Variants in CDH13 observed in about 807,000 individuals in gnomAD.
CDH13 encodes the protein cadherin 13, also known as cadherin-13.
CDH13 carries 24 observed loss-of-function variants against 63.8 expected under a neutral mutation model. That is an observed-to-expected ratio of 0.38 (90% CI 0.27 to 0.53). The LOEUF (loss-of-function observed/expected upper bound fraction) is 0.53, where lower values mean the gene tolerates loss of function less well. Ranked by LOEUF, CDH13 falls within the 20% of genes least tolerant of loss-of-function variation. The pLI is 0.85. For missense variants in CDH13, 1,049 were observed against 903.1 expected, an observed-to-expected ratio of 1.16 and a Z score of -2.07; for synonymous variants, 503 against 355.3, an observed-to-expected ratio of 1.42 and a Z score of -4.67.
intron 10 of CDH13, among the ~76,000 whole-genome samples, chr16:83,728,245 G>T (rs1344518769): frequency 2.0e-5 from 3 of 152,010 alleles, no homozygotes; most frequent in Admixed American, 6.6e-5. Flanking sequence ...GAAGGTGCCT[G>T]TTCTCACGGG....
chr16:82,686,597 C>T (rs1439336822), intron 1 of CDH13, among the ~76,000 whole-genome samples: 1 of 152,206 alleles, frequency 6.6e-6, no homozygotes, highest in African/African-American at 2.4e-5. Context: ...TCACTCTGGC[C>T]TTCGGTTTTT....
rs146001795 is a variant in CDH13 at position 83,375,937 on chromosome 16, A to G, written c.781+30931A>G. On this transcript the variant is annotated intron_variant, in intron 6 of 13. Transcript: ENST00000567109. ...GAGAGGCAGACGTCATGCAGAGTGT[A>G]TGCATTAGGACTATTAGGGTGAGTT... Among the ~76,000 whole-genome samples, 16 of 152,252 alleles carry G rather than the reference A, an allele frequency of 1.1e-4. No homozygotes were observed. The Middle Eastern group carries it at 0.017, about 162-fold the overall frequency.
intron 6 of CDH13, among the ~76,000 whole-genome samples, chr16:83,435,822 G>T (rs536628271): frequency 4.6e-5 from 7 of 152,248 alleles, no homozygotes; most frequent in East Asian, 1.9e-4. Context: ...TCTCTGGTTG[G>T]CTGTCTGTCT....
intron 5 of CDH13, among the ~76,000 whole-genome samples, chr16:83,258,794 G>A (rs941448153): frequency 3.3e-5 from 5 of 152,190 alleles, no homozygotes; most frequent in Non-Finnish European, 7.3e-5. Context: ...ATGGCACAGA[G>A]CACATCGTGA....
At chr16:83,602,141 AAACC>A (rs1907902190) in intron 7 of CDH13, among the ~76,000 whole-genome samples, 1 of 86,328 alleles carries the variant, frequency 1.2e-5, no homozygotes, top group African/African-American at 9.1e-5. Flanking sequence ...AAAAAAAAAA[AAACC>A]CAAAGGACAA....
At position 83,164,050 on chromosome 16, in the gene CDH13, C is replaced by T. The variant is rs546332300; in HGVS notation, c.483+38549C>T. 2.0e-5 allele frequency among the ~76,000 whole-genome samples: 3 copies of T among 152,130 alleles called. 1 individual carries two copies. The South Asian group carries it at 6.2e-4, about 32-fold the overall frequency. The stretch of plus-strand genomic sequence containing the variant: ...ACTATAAAAAAGACATAGTTGTTAT[C>T]TGTGTCTTACCCAGCTGGTAACTGA... On this transcript the variant is annotated intron_variant, in intron 4 of 13. Transcript: ENST00000567109.
chr16:82,631,970 G>C lies in CDH13; in HGVS notation c.45+4833G>C, dbSNP rs112738635. On this transcript the variant is annotated intron_variant, in intron 1 of 13. Coordinates refer to ENST00000567109, the MANE Select transcript of CDH13 (RefSeq NM_001257.5). ...AGAGGTTGCCAAGTAGCAGCCACAG[G>C]CTAAATTTAGCCATGGATGCAGTTT... Among the ~76,000 whole-genome samples, 1,496 of 152,188 alleles carry C rather than the reference G, an allele frequency of 9.8e-3. 21 individuals carry two copies. Among genetic ancestry groups the C allele is most frequent in the African/African-American group, 0.035 (1,439 of 41,526 alleles).
At chr16:82,771,015 C>T (rs2035241838) in intron 1 of CDH13, among the ~76,000 whole-genome samples, 1 of 152,100 alleles carries the variant, frequency 6.6e-6, no homozygotes, top group Non-Finnish European at 1.5e-5. Context: ...ACACCTGGCC[C>T]AATAGTTCCA....
At chr16:83,292,086 C>T (rs779049906) in intron 5 of CDH13, among the ~76,000 whole-genome samples, 1 of 152,154 alleles carries the variant, frequency 6.6e-6, no homozygotes, top group Non-Finnish European at 1.5e-5. Context: ...TCAGAAAGCA[C>T]TAATTTAAGA....
intron 1 of CDH13, among the ~76,000 whole-genome samples, chr16:82,717,273 A>G (rs1334648670): frequency 6.6e-6 from 1 of 151,978 alleles, no homozygotes; most frequent in Non-Finnish European, 1.5e-5. Context: ...CATCTCTACT[A>G]AAAATACAAA....
chr16:83,418,577 G>T lies in CDH13; in HGVS notation c.782-67900G>T, dbSNP rs528805373. Among the ~76,000 whole-genome samples the T allele has an allele frequency of 9.9e-5, 15 of 152,236 alleles. No homozygotes were observed. In the South Asian group the frequency reaches 3.1e-3, roughly 32 times the overall value. On this transcript the variant is annotated intron_variant, in intron 6 of 13. Coordinates refer to ENST00000567109, the MANE Select transcript of CDH13 (RefSeq NM_001257.5). ...AAGTTAGGGTTTGATCCGATGTCTT[G>T]GACATTTGCTTGGATCTGTACAAAC...
intron 6 of CDH13, among the ~76,000 whole-genome samples, chr16:83,356,013 G>C (rs188672181): frequency 1.1e-4 from 16 of 152,298 alleles, no homozygotes; most frequent in African/African-American, 3.8e-4. Context: ...TGGTCACACA[G>C]CTGGTGGGTG....
At chr16:83,299,515 C>T (rs745812370) in intron 5 of CDH13, among the ~76,000 whole-genome samples, 1 of 152,190 alleles carries the variant, frequency 6.6e-6, no homozygotes, top group African/African-American at 2.4e-5. Context: ...TGTCATTCAT[C>T]CTCACTAGAG....
intron 6 of CDH13, among the ~76,000 whole-genome samples, chr16:83,379,813 G>A (rs1261440273): frequency 6.6e-6 from 1 of 151,412 alleles, no homozygotes; most frequent in African/African-American, 2.4e-5. Context: ...ATATAAAACT[G>A]CCATTCAAAG....
chr16:83,698,036 C>T (rs1598502148), intron 10 of CDH13, among the ~76,000 whole-genome samples: 1 of 152,262 alleles, frequency 6.6e-6, no homozygotes, highest in Admixed American at 6.5e-5. Flanking sequence ...TCTCCCCACA[C>T]TAAACTGTAA....
intron 3 of CDH13, among the ~76,000 whole-genome samples, chr16:83,097,961 A>C (rs1276294628): frequency 6.6e-6 from 1 of 152,200 alleles, no homozygotes; most frequent in Admixed American, 6.5e-5. Flanking sequence ...TTTGAAAAAA[A>C]AAATTTTATA....
intron 8 of CDH13, among the ~76,000 whole-genome samples, chr16:83,612,608 T>C (rs557958458): frequency 6.6e-6 from 1 of 152,124 alleles, no homozygotes; most frequent in Non-Finnish European, 1.5e-5. Context: ...TTATCTCTTA[T>C]CTTTTTCACA....
intron 1 of CDH13, among the ~76,000 whole-genome samples, chr16:82,771,859 G>T (rs1219876800): frequency 2.0e-5 from 3 of 152,214 alleles, no homozygotes; most frequent in Non-Finnish European, 2.9e-5. Flanking sequence ...TCATCTTCCA[G>T]GGAGACTGGG....
At chr16:82,946,482 G>C (rs1052699838) in intron 2 of CDH13, among the ~76,000 whole-genome samples, 2 of 152,130 alleles carry the variant, frequency 1.3e-5, no homozygotes, top group Non-Finnish European at 2.9e-5. Flanking sequence ...CACTTTGTGA[G>C]GCCAAGGCAG....
Sources: allele counts gnomAD v4.1 joint callset (sites outside exome capture counted in the v4.1 genomes callset), GRCh38; gene constraint gnomAD v4.1.1; transcripts MANE v1.5; gene names NCBI Gene and HGNC (gene_info 2026-07-23, HGNC 2026-07-21).